The following PDZRN3 variants were observed in gnomAD, a reference collection of about 807,000 sequenced individuals.
PDZRN3 encodes the protein E3 ubiquitin-protein ligase PDZRN3.
PDZRN3 carries 38 observed loss-of-function variants against 85.7 expected under a neutral mutation model. That is an observed-to-expected ratio of 0.44 (90% CI 0.34 to 0.58). The LOEUF (loss-of-function observed/expected upper bound fraction) is 0.58. Ranked by LOEUF, PDZRN3 falls within the 20% of genes least tolerant of loss-of-function variation. The pLI is 0.01. For missense variants in PDZRN3, 1,629 were observed against 1,506.4 expected, an observed-to-expected ratio of 1.08 and a Z score of -1.35; for synonymous variants, 759 against 638.0, an observed-to-expected ratio of 1.19 and a Z score of -2.86.
chr3:73,506,265 G>A (rs1408286177), intron 3 of PDZRN3, among the ~76,000 whole-genome samples: 8 of 152,052 alleles, frequency 5.3e-5, no homozygotes, highest in Non-Finnish European at 1.2e-4. Context: ...GTCGGGCCTG[G>A]GCAGGATAAC....
intron 5 of PDZRN3, among the ~76,000 whole-genome samples, chr3:73,393,634 C>T (rs912777272): frequency 1.3e-5 from 2 of 152,132 alleles, no homozygotes; most frequent in African/African-American, 4.8e-5. Flanking sequence ...TGTGGCTTTT[C>T]AGTACAGTCT....
intron 3 of PDZRN3, among the ~76,000 whole-genome samples, chr3:73,599,719 C>A (rs1345132506): frequency 6.6e-6 from 1 of 152,208 alleles, no homozygotes; most frequent in African/African-American, 2.4e-5. Context: ...CTGTTCACTA[C>A]CATGGAAATT....
intron 3 of PDZRN3, among the ~76,000 whole-genome samples, chr3:73,419,522 C>T (rs184989330): frequency 1.9e-3 from 283 of 152,262 alleles, no homozygotes; most frequent in Non-Finnish European, 3.1e-3. Context: ...ACCAGGAGAA[C>T]GCGGTGTTTT....
At chr3:73,406,686 C>T (rs865861023) in intron 3 of PDZRN3, among the ~76,000 whole-genome samples, 55 of 152,222 alleles carry the variant, frequency 3.6e-4, no homozygotes, top group Middle Eastern at 3.4e-3. Flanking sequence ...CAAATTTGTT[C>T]TTCTTCTATT....
intron 3 of PDZRN3, among the ~76,000 whole-genome samples, chr3:73,442,483 T>C (rs1462940996): frequency 3.9e-5 from 6 of 152,298 alleles, no homozygotes; most frequent in African/African-American, 1.4e-4. Context: ...AATTGTGTTA[T>C]TGTGGATTCA....
At chr3:73,453,698 A>C (rs1481233892) in intron 3 of PDZRN3, among the ~76,000 whole-genome samples, 1 of 152,194 alleles carries the variant, frequency 6.6e-6, no homozygotes, top group Non-Finnish European at 1.5e-5. Context: ...AAAAACTCTT[A>C]AATTTCTCCA....
chr3:73,518,806 T>C (rs1365086573), intron 3 of PDZRN3, among the ~76,000 whole-genome samples: 2 of 152,114 alleles, frequency 1.3e-5, no homozygotes, highest in East Asian at 3.9e-4. Context: ...ATCCCATTCA[T>C]GAAGGCAGAG....
Position 73,390,391 on chromosome 3 carries a change from G to A in PDZRN3, c.1354-513C>T, listed in dbSNP as rs568540666. Among the ~76,000 whole-genome samples, 5 of 152,300 alleles carry A rather than the reference G, an allele frequency of 3.3e-5. 1 individual carries two copies. The highest frequency in any genetic ancestry group is 3.3e-4 in the Admixed American group (5 of 15,304). ...GCTTGGTGAATGACATACAACCAAA[G>A]AGATAATTATTAAGTCTAGTAGATC... On this transcript the variant is annotated intron_variant, in intron 6 of 9. Transcript: ENST00000263666.
chr3:73,442,813 T>C (rs563250024), intron 3 of PDZRN3, among the ~76,000 whole-genome samples: 2 of 152,204 alleles, frequency 1.3e-5, no homozygotes, highest in Non-Finnish European at 2.9e-5. Flanking sequence ...AGATGGGGTA[T>C]GTGGTCCCCC....
chr3:73,422,939 CAG>C (rs1019180966), intron 3 of PDZRN3, among the ~76,000 whole-genome samples: 2 of 152,158 alleles, frequency 1.3e-5, no homozygotes, highest in African/African-American at 4.8e-5. Flanking sequence ...GCAAAGGAAA[CAG>C]AGGTATCTCT....
chr3:73,402,184 G>T (rs767742321), intron 4 of PDZRN3, among the ~76,000 whole-genome samples: 1 of 152,194 alleles, frequency 6.6e-6, no homozygotes, highest in African/African-American at 2.4e-5. Context: ...GCCCCCAGGG[G>T]ATAAGTCATG....
At chr3:73,581,606 T>C (rs962768665) in intron 3 of PDZRN3, among the ~76,000 whole-genome samples, 9 of 152,124 alleles carry the variant, frequency 5.9e-5, no homozygotes, top group African/African-American at 2.2e-4. Context: ...TCCAAAAAAA[T>C]GCAGAACTAT....
chr3:73,593,991 G>C (rs1321635144), intron 3 of PDZRN3: 1 of 152,102 alleles, frequency 6.6e-6, no homozygotes, highest in African/African-American at 2.4e-5. Flanking sequence ...TTCTGCAAGA[G>C]TTGTAGCACT....
At chr3:73,593,367 G>C (rs549265774) in intron 3 of PDZRN3, among the ~76,000 whole-genome samples, 1 of 152,198 alleles carries the variant, frequency 6.6e-6, no homozygotes, top group East Asian at 1.9e-4. Context: ...ATCTTTTTAT[G>C]AAAGGAAGAC....
Position 73,384,646 on chromosome 3 carries a change from C to T in PDZRN3, c.1920G>A (p.Val640=), listed in dbSNP as rs1701318402. ...CTDADYLGIP[V]DECERFRELL... is the part of the protein sequence containing the mutation. ...GCTCGCGGAAGCGCTCGCACTCGTC[C>T]ACCGGGATCCCCAGGTAGTCGGCGT... is the stretch of plus-strand genomic sequence containing the variant. Residue 640 remains valine, a synonymous_variant, in exon 10 of 10, where the codon GTG becomes GTA. Transcript: ENST00000263666. 6.2e-7 allele frequency: 1 copy of T among 1,613,802 alleles called. No homozygotes were observed. The highest frequency in any genetic ancestry group is 1.3e-5 in the African/African-American group (1 of 74,940).
chr3:73,610,392 A>G (rs1384322982), intron 1 of PDZRN3, among the ~76,000 whole-genome samples: 1 of 152,238 alleles, frequency 6.6e-6, no homozygotes. Context: ...AAAAGCATCT[A>G]TCAACACTAT....
intron 3 of PDZRN3, among the ~76,000 whole-genome samples, chr3:73,435,727 T>C (rs1559678497): frequency 6.6e-6 from 1 of 152,168 alleles, no homozygotes; most frequent in Non-Finnish European, 1.5e-5. Context: ...GGGTGCTCTC[T>C]GCCTCCTCTC....
chr3:73,592,678 C>A (rs1359879425), intron 3 of PDZRN3, among the ~76,000 whole-genome samples: 1 of 152,152 alleles, frequency 6.6e-6, no homozygotes, highest in Non-Finnish European at 1.5e-5. Context: ...CAGCTGCTCT[C>A]CACCGTGAGG....
intron 3 of PDZRN3, among the ~76,000 whole-genome samples, chr3:73,473,511 T>C (rs1703389340): frequency 1.3e-5 from 2 of 151,724 alleles, no homozygotes; most frequent in East Asian, 1.9e-4. Flanking sequence ...CATTTAAACA[T>C]TATAGGAATT....
Sources: gnomAD v4.1 joint callset for allele counts (sites outside exome capture counted in the v4.1 genomes callset) on GRCh38, gnomAD v4.1.1 for gene constraint, MANE v1.5 for transcripts, NCBI Gene and HGNC (gene_info 2026-07-23, HGNC 2026-07-21) for gene names.